Variants in MCM10 observed in about 807,000 individuals in gnomAD.
MCM10 encodes protein MCM10 homolog.
Under a neutral mutation model 109.9 loss-of-function variants are expected in MCM10, and 91 were observed. The observed-to-expected ratio is 0.83, with a 90% CI of 0.70 to 0.99. MCM10 has a LOEUF of 0.99. MCM10 is among the 50% of genes least tolerant of loss of function. The pLI is 0.00. For synonymous variants in MCM10, 380 were observed against 387.2 expected (o/e 0.98, Z 0.22); for missense variants, 1,077 against 1,061.2 (o/e 1.01, Z -0.21).
At chr10:13,197,496 A>G in intron 14 of MCM10, 127 bp from the exon 15 acceptor site, 1 of 736,726 alleles carries the variant, frequency 1.4e-6, no homozygotes. Flanking sequence ...AAATTAAGAT[A>G]TGTTCTGCCA....
chr10:13,198,864 G>A, intron 16 of MCM10, 57 bp downstream of exon 16: 1 of 1,115,544 alleles, frequency 9.0e-7, no homozygotes, highest in Non-Finnish European at 1.4e-6. Flanking sequence ...CAAAGCCAAG[G>A]TGCTAGCTGT....
chr10:13,164,191 C>T lies in MCM10; in HGVS notation c.-12C>T. ...CTTCGAAGTTTCCTGTCACAACTGT[C>T]CTCTTGACAGCATGGATGGTAAGAC... On this transcript the variant is annotated 5_prime_UTR_variant, in exon 2 of 20. Coordinates refer to ENST00000378714, the MANE Select transcript of MCM10 (RefSeq NM_018518.5). 1 of 1,593,352 alleles carries T rather than the reference C, an allele frequency of 6.3e-7. No homozygotes were observed.
intron 17 of MCM10, among the ~76,000 whole-genome samples, chr10:13,202,649 T>G (rs2131588342): frequency 6.6e-6 from 1 of 152,200 alleles, no homozygotes; most frequent in South Asian, 2.1e-4. Flanking sequence ...AACGTAATCT[T>G]TGGAAGATTA....
intron 18 of MCM10, among the ~76,000 whole-genome samples, chr10:13,205,005 T>C (rs1834556715): frequency 4.4e-4 from 1 of 2,282 alleles, no homozygotes; most frequent in African/African-American, 1.0e-3. Context: ...TATGTATGTA[T>C]ATATATATAT....
chr10:13,195,582 G>GTTTATTTATGTA (rs1554775740), intron 14 of MCM10: 1 of 148,416 alleles, frequency 6.7e-6, no homozygotes, highest in African/African-American at 2.5e-5. Context: ...CTTTTTTTAC[G>GTTTATTTATGTA]TTTATTTATT....
At chr10:13,178,566 G>A (rs575617757) in intron 6 of MCM10, among the ~76,000 whole-genome samples, 2 of 152,246 alleles carry the variant, frequency 1.3e-5, no homozygotes, top group Admixed American at 6.5e-5. Flanking sequence ...TTATGGATTC[G>A]TTTCTGGTTT....
intron 2 of MCM10, among the ~76,000 whole-genome samples, chr10:13,165,741 G>A (rs562060097): frequency 1.3e-5 from 2 of 152,048 alleles, no homozygotes; most frequent in South Asian, 4.2e-4. Flanking sequence ...CTGGTGTGGT[G>A]GCATGTGACT....
chr10:13,210,212 G>T lies in MCM10; in HGVS notation c.*902G>T, dbSNP rs962241434. 5.3e-5 allele frequency: 8 copies of T among 151,242 alleles called. No individual in the cohort carries two copies. The highest frequency in any genetic ancestry group is 1.2e-4 in the Non-Finnish European group (8 of 68,004). The allele number at this position is 151,242 out of a possible 1,614,324, so 9.4% of individuals were successfully genotyped here. A position where few individuals can be genotyped will look rare whatever the true frequency, so the allele number is the denominator to read the frequency against. On this transcript the variant is annotated 3_prime_UTR_variant, in exon 20 of 20. Transcript: ENST00000378714. ...TAGGACTACAGGCGTGCGTGACCAA[G>T]CCCAGCTAATTTTTGCATTTTTTGT...
At chr10:13,191,671 C>T (rs940722207) in intron 11 of MCM10, among the ~76,000 whole-genome samples, 9 of 152,190 alleles carry the variant, frequency 5.9e-5, no homozygotes, top group South Asian at 4.2e-4. Flanking sequence ...TAGTGAGTGG[C>T]GCGGTCTAAC....
chr10:13,175,598 A>C lies in MCM10; in HGVS notation c.681A>C (p.Arg227Ser). 1 of 1,612,948 alleles carries C rather than the reference A, an allele frequency of 6.2e-7. No homozygotes were observed. Among genetic ancestry groups the C allele is most frequent in the Non-Finnish European group, 8.5e-7 (1 of 1,179,022 alleles). ...ISRNKPSGITRGQIVGTPGSS... is the reference protein window; with the variant it reads ...ISRNKPSGITSGQIVGTPGSS... The stretch of plus-strand genomic sequence containing the variant: ...GGAACAAACCTAGTGGGATAACTAG[A>C]GGTCAAATTGTGGGGACCCCAGGAA... Residue 227 changes from arginine (R) to serine (S), a missense_variant, in exon 6 of 20, where the codon AGA becomes AGC. Arg to Ser is a moderately radical substitution (Grantham distance 110). Transcript: ENST00000378714.
chr10:13,188,923 A>G lies in MCM10; in HGVS notation c.1258A>G (p.Lys420Glu). ...TCAGTACCATGTCCAGGCTCAGTAC[A>G]AGAAGCTCAGCGCAAAGCGTGCGGA... ...YCQYHVQAQYKKLSAKRADLQ... is the reference protein window; with the variant it reads ...YCQYHVQAQYEKLSAKRADLQ... The change falls in exon 10 of 20, where the codon AAG becomes GAG. Residue 420 changes from lysine (K) to glutamate (E), a missense_variant. Physicochemically the swap from Lys to Glu is moderately conservative, Grantham distance 56. Coordinates refer to ENST00000378714, the MANE Select transcript of MCM10 (RefSeq NM_018518.5). The G allele has an allele frequency of 6.2e-7, 1 of 1,614,172 alleles. No homozygotes were observed. The highest frequency in any genetic ancestry group is 8.5e-7 in the Non-Finnish European group (1 of 1,180,012).
chr10:13,163,619 C>T (rs567002788), intron 1 of MCM10, among the ~76,000 whole-genome samples: 5 of 151,234 alleles, frequency 3.3e-5, no homozygotes, highest in African/African-American at 9.7e-5. Flanking sequence ...TCGTGGATAA[C>T]GCAGATGTCA....
At chr10:13,168,595 A>G in intron 2 of MCM10, among the ~76,000 whole-genome samples, 1 of 152,292 alleles carries the variant, frequency 6.6e-6, no homozygotes, top group Non-Finnish European at 1.5e-5. Flanking sequence ...ATAGTGCCCA[A>G]ATAGGGGGGA....
intron 7 of MCM10, among the ~76,000 whole-genome samples, chr10:13,181,597 G>C (rs139417209): frequency 3.7e-4 from 56 of 152,212 alleles, no homozygotes; most frequent in African/African-American, 1.3e-3. Context: ...TATGTGATGG[G>C]TTAGTAGGTG....
intron 18 of MCM10, among the ~76,000 whole-genome samples, chr10:13,207,245 C>T (rs1043901232): frequency 6.6e-6 from 1 of 152,210 alleles, no homozygotes; most frequent in Non-Finnish European, 1.5e-5. Flanking sequence ...AGATAATACA[C>T]AGGCAACTGG....
chr10:13,193,907 G>T (rs1834381890), intron 13 of MCM10, among the ~76,000 whole-genome samples: 1 of 152,178 alleles, frequency 6.6e-6, no homozygotes, highest in South Asian at 2.1e-4. Context: ...CCTAGAGCTT[G>T]CAAGAGTGGC....
chr10:13,196,713 A>G (rs1834426517), intron 14 of MCM10, among the ~76,000 whole-genome samples: 1 of 151,780 alleles, frequency 6.6e-6, no homozygotes, highest in African/African-American at 2.4e-5. Flanking sequence ...GGGTTTCACC[A>G]TGTTGGCCAG....
Position 13,197,590 on chromosome 10 carries a change from A to G in MCM10, c.1975-33A>G, listed in dbSNP as rs756792991. Reference sequence around the variant, plus strand: ...TATAAGTGCCTCTGTCATCTTTTAGATCTTTACCTCCCTCTCATTCCCTTT... The same window carrying G: ...TATAAGTGCCTCTGTCATCTTTTAGGTCTTTACCTCCCTCTCATTCCCTTT... On this transcript the variant is annotated intron_variant, in intron 14 of 19. Coordinates refer to ENST00000378714, the MANE Select transcript of MCM10 (RefSeq NM_018518.5). 8 of 1,599,532 alleles carry G rather than the reference A, an allele frequency of 5.0e-6. No homozygotes were observed. The African/African-American group carries it at 8.1e-5, about 16-fold the overall frequency.
Position 13,192,464 on chromosome 10 carries a change from C to G in MCM10, c.1641C>G (p.Ser547Arg). 2 of 1,614,198 alleles carry G rather than the reference C, an allele frequency of 1.2e-6. No individual in the cohort carries two copies. The highest frequency in any genetic ancestry group is 2.2e-5 in the South Asian group (2 of 91,084). The change falls in exon 13 of 20, where the codon AGC (serine) becomes AGG (arginine). Residue 547 changes from serine (S) to arginine (R), a missense_variant. Coordinates refer to ENST00000378714, the MANE Select transcript of MCM10 (RefSeq NM_018518.5). ...CTTCTGTTTCAGGGATTATGGGGAG[C>G]CCAAAACCAGCCATCAAGTCCATCT... is the stretch of plus-strand genomic sequence containing the variant. The part of the protein sequence containing the change: ...AKATASGIMG[S>R]PKPAIKSISA...
Sources: allele counts gnomAD v4.1 joint callset (sites outside exome capture counted in the v4.1 genomes callset), GRCh38; gene constraint gnomAD v4.1.1; transcripts MANE v1.5; gene names NCBI Gene and HGNC (gene_info 2026-07-23, HGNC 2026-07-21).